The following SLC5A11 variants were observed in gnomAD, a reference collection of about 807,000 sequenced individuals.
SLC5A11 encodes the protein solute carrier family 5 member 11.
A neutral mutation model predicts 69.8 loss-of-function variants in SLC5A11; 48 were observed. The ratio of observed to expected loss-of-function variants is 0.69; its 90% CI spans 0.55 to 0.87. The LOEUF (loss-of-function observed/expected upper bound fraction) is 0.87. Among genes scored for constraint, SLC5A11 ranks in the 40% least tolerant of loss-of-function variants. The pLI, the probability that SLC5A11 is intolerant of heterozygous loss-of-function variation, is 0.00. For synonymous variants in SLC5A11, 319 were observed against 342.4 expected (o/e 0.93, Z 0.75); for missense variants, 784 against 866.1 (o/e 0.91, Z 1.19).
At chr16:24,863,850 G>C (rs776214532) in intron 3 of SLC5A11, among the ~76,000 whole-genome samples, 2 of 152,088 alleles carry the variant, frequency 1.3e-5, no homozygotes, top group Non-Finnish European at 2.9e-5. Flanking sequence ...AACTGAAGAG[G>C]TCAGAATGGG....
chr16:24,910,465 A>G (rs745528250), exon 15 of SLC5A11: 1 of 1,614,096 alleles, frequency 6.2e-7, no homozygotes, highest in Non-Finnish European at 8.5e-7. Context: ...AAACACGTCT[A>G]AAACCCACAG....
At chr16:24,858,852 A>C in intron 2 of SLC5A11, 74 bp downstream of exon 3, 128 of 1,499,714 alleles carry the variant, frequency 8.5e-5, no homozygotes, top group Non-Finnish European at 1.1e-4. Context: ...AGTTAACCTC[A>C]TCCTTTTGGA....
chr16:24,858,925 A>C, intron 2 of SLC5A11, 147 bp downstream of exon 3: 3 of 1,075,410 alleles, frequency 2.8e-6, no homozygotes, highest in Non-Finnish European at 3.7e-6. Flanking sequence ...CAGAACTTAA[A>C]AATTTTAAAC....
intron 3 of SLC5A11, among the ~76,000 whole-genome samples, chr16:24,864,316 A>G (rs1198760500): frequency 6.6e-6 from 1 of 152,208 alleles, no homozygotes; most frequent in Non-Finnish European, 1.5e-5. Flanking sequence ...AGACTGGGAA[A>G]ATTATTGGTT....
chr16:24,869,851 A>AGG (rs761303943), intron 3 of SLC5A11, 50 bp from the exon 5 acceptor site: 16 of 1,314,656 alleles, frequency 1.2e-5, no homozygotes, highest in Non-Finnish European at 1.8e-5. Flanking sequence ...GGTGGGGAGC[A>AGG]GGTACCCTTG....
chr16:24,881,311 G>A (rs2048030668), intron 7 of SLC5A11, among the ~76,000 whole-genome samples: 1 of 151,916 alleles, frequency 6.6e-6, no homozygotes. Context: ...TTTTGAGACA[G>A]GGTCTCCCTC....
exon 15 of SLC5A11, chr16:24,910,376 C>T (rs988725563): frequency 1.2e-6 from 2 of 1,614,126 alleles, no homozygotes; most frequent in Non-Finnish European, 8.5e-7. Context: ...CCAGCAGCTC[C>T]CTTGTCTCTT....
intron 9 of SLC5A11, among the ~76,000 whole-genome samples, chr16:24,895,633 CA>C (rs71156457): frequency 0.19 from 28,706 of 148,696 alleles, 3,554 homozygotes; most frequent in South Asian, 0.41. Flanking sequence ...AGGGACCCCT[CA>C]GTTGGACAGC....
exon 8 of SLC5A11, chr16:24,884,071 T>C (rs1225778112): frequency 6.2e-7 from 1 of 1,614,074 alleles, no homozygotes; most frequent in Non-Finnish European, 8.5e-7. Context: ...TGCTGTGATC[T>C]ACACGGATGC....
chr16:24,858,708 A>T lies in SLC5A11; in HGVS notation c.65A>T (p.Lys22Met), dbSNP rs1458812897. The change falls in exon 2 of 16, where the codon AAG (lysine) becomes ATG (methionine). Residue 22 changes from lysine (K) to methionine (M), a missense_variant. By Grantham distance (95) the Lys-to-Met change is moderately conservative. Transcript: ENST00000347898. The stretch of plus-strand genomic sequence containing the variant: ...GATCCCCTGGATGCGTTTCCCCAGA[A>T]GGGCTTGGAGCCTGGGGACATCGCG... 1 of 1,611,912 alleles carries T rather than the reference A, an allele frequency of 6.2e-7. No individual in the cohort carries two copies. The highest frequency in any genetic ancestry group is 1.1e-5 in the South Asian group (1 of 90,700).
intron 13 of SLC5A11, among the ~76,000 whole-genome samples, chr16:24,908,542 G>A (rs1278316673): frequency 6.8e-6 from 1 of 146,056 alleles, no homozygotes; most frequent in Non-Finnish European, 1.5e-5. Flanking sequence ...AGGTTGCAGT[G>A]AGCTGAGACC....
chr16:24,877,325 T>C (rs11074656), exon 7 of SLC5A11: 548,065 of 1,612,244 alleles, frequency 0.34, 99,700 homozygotes, highest in Non-Finnish European at 0.38. Flanking sequence ...CTGGCCATAG[T>C]TGGGCTACTG....
chr16:24,879,719 T>A (rs530165761), intron 7 of SLC5A11, among the ~76,000 whole-genome samples: 2 of 152,290 alleles, frequency 1.3e-5, no homozygotes, highest in African/African-American at 4.8e-5. Context: ...CACTCCAGCC[T>A]GGGCAACAGA....
intron 8 of SLC5A11, among the ~76,000 whole-genome samples, chr16:24,890,135 T>C (rs984343760): frequency 1.3e-5 from 2 of 152,152 alleles, no homozygotes; most frequent in Admixed American, 1.3e-4. Context: ...GATGTTTCTA[T>C]ACCGCACTTC....
At chr16:24,851,371 A>T (rs1234604777) in intron 1 of SLC5A11, among the ~76,000 whole-genome samples, 1 of 151,828 alleles carries the variant, frequency 6.6e-6, no homozygotes, top group African/African-American at 2.4e-5. Context: ...AAAAAGAAAA[A>T]AAAAATTAGC....
chr16:24,909,367 C>A (rs1013849104), intron 14 of SLC5A11, among the ~76,000 whole-genome samples: 2 of 151,910 alleles, frequency 1.3e-5, no homozygotes, highest in South Asian at 4.2e-4. Context: ...GGCTGGGGTG[C>A]GGTGGCTCAT....
chr16:24,889,543 ATTTT>A (rs71156454), intron 8 of SLC5A11, among the ~76,000 whole-genome samples: 71 of 74,334 alleles, frequency 9.6e-4, no homozygotes, highest in African/African-American at 3.4e-3. Flanking sequence ...AGGTCTTACA[ATTTT>A]TTTTTTTTTT....
At chr16:24,849,813 C>G (rs769056557) in intron 1 of SLC5A11, among the ~76,000 whole-genome samples, 3 of 151,506 alleles carry the variant, frequency 2.0e-5, no homozygotes, top group South Asian at 2.1e-4. Context: ...ATTCAGGGAA[C>G]GCTGCCCTGC....
exon 12 of SLC5A11, chr16:24,907,060 G>T: frequency 6.2e-7 from 1 of 1,614,114 alleles, no homozygotes; most frequent in Non-Finnish European, 8.5e-7. Flanking sequence ...GATGGTGGCG[G>T]CTCTCATGTC....
Sources: allele counts gnomAD v4.1 joint callset (sites outside exome capture counted in the v4.1 genomes callset), GRCh38; gene constraint gnomAD v4.1.1; transcripts MANE v1.5; gene names NCBI Gene and HGNC (gene_info 2026-07-23, HGNC 2026-07-21).